PARP8: variants seen among roughly 807,000 people sequenced by gnomAD.
The protein encoded by PARP8 is protein mono-ADP-ribosyltransferase PARP8.
In PARP8, 51 loss-of-function variants were observed where a neutral mutation model predicts 124.1. The ratio of observed to expected loss-of-function variants is 0.41; its 90% CI spans 0.33 to 0.52. The LOEUF is 0.52. PARP8 is among the 20% of genes least tolerant of loss of function. PARP8 has a pLI of 0.21. For synonymous variants in PARP8, 391 were observed against 361.5 expected (o/e 1.08, Z -0.93); for missense variants, 860 against 1,018.9 (o/e 0.84, Z 2.12).
Position 50,815,538 on chromosome 5 carries a change from A to G in PARP8, c.1668+14A>G. The G allele has an allele frequency of 6.5e-7, 1 of 1,546,658 alleles. No individual in the cohort carries two copies. The highest frequency in any genetic ancestry group is 8.7e-7 in the Non-Finnish European group (1 of 1,144,984). The stretch of plus-strand genomic sequence containing the variant: ...ACTGGAGCTCAGGTAGTAACACAGG[A>G]TACTAATTATTTCTTATTTTGCTTT... On this transcript the variant is annotated intron_variant, in intron 15 of 25. Transcript: ENST00000281631.
intron 2 of PARP8, chr5:50,744,939 C>A: frequency 1.7e-6 from 1 of 575,914 alleles, no homozygotes; most frequent in Non-Finnish European, 3.1e-6. Flanking sequence ...TCTACTTAAG[C>A]TTTGTTCTTT....
intron 2 of PARP8, among the ~76,000 whole-genome samples, chr5:50,688,619 A>G (rs1217992248): frequency 6.6e-6 from 1 of 152,228 alleles, no homozygotes; most frequent in African/African-American, 2.4e-5. Context: ...CTTAAAATAT[A>G]TACTAATTTG....
chr5:50,756,993 T>G (rs1760033343), intron 3 of PARP8: 1 of 328,068 alleles, frequency 3.0e-6, no homozygotes, highest in Non-Finnish European at 6.2e-6. Flanking sequence ...TTGTTGCAGA[T>G]GGCAGGATTT....
At chr5:50,709,850 T>A (rs1198975702) in intron 2 of PARP8, among the ~76,000 whole-genome samples, 1 of 146,748 alleles carries the variant, frequency 6.8e-6, no homozygotes, top group African/African-American at 2.5e-5. Flanking sequence ...CAAGAGTGTG[T>A]GTGTGTGTGT....
intron 14 of PARP8, among the ~76,000 whole-genome samples, chr5:50,806,771 A>T (rs1743889530): frequency 6.6e-6 from 1 of 151,938 alleles, no homozygotes; most frequent in Non-Finnish European, 1.5e-5. Context: ...GGTCCCACTA[A>T]TTTTTTTCTA....
chr5:50,773,798 T>C (rs577222035), intron 7 of PARP8, among the ~76,000 whole-genome samples: 55 of 152,280 alleles, frequency 3.6e-4, no homozygotes, highest in South Asian at 8.3e-4. Context: ...AATTATCTTT[T>C]CATTTTTTGT....
chr5:50,788,648 T>A, intron 10 of PARP8, 59 bp downstream of exon 10: 1 of 1,408,190 alleles, frequency 7.1e-7, no homozygotes, highest in Non-Finnish European at 9.8e-7. Flanking sequence ...GTTCTCATTT[T>A]GTTCATTAAA....
intron 2 of PARP8, among the ~76,000 whole-genome samples, chr5:50,689,542 A>G (rs1363369341): frequency 6.6e-6 from 1 of 152,102 alleles, no homozygotes; most frequent in African/African-American, 2.4e-5. Context: ...GTCTTTTACT[A>G]CCTCAGCCCA....
At chr5:50,783,769 A>G (rs74334916) in intron 9 of PARP8, among the ~76,000 whole-genome samples, 1 of 152,164 alleles carries the variant, frequency 6.6e-6, no homozygotes, top group South Asian at 2.1e-4. Flanking sequence ...CATCATTTCA[A>G]TTGCGTGGCT....
chr5:50,666,731 C>A lies in PARP8; in HGVS notation c.-365C>A. On this transcript the variant is annotated 5_prime_UTR_variant, in exon 1 of 26. Transcript: ENST00000281631. Reference sequence around the variant, plus strand: ...GCGCCCGCCGCCCAGCCGGTGATTGCTCTCTGGCTGTCCCCGGCACCTCGG... The same window carrying A: ...GCGCCCGCCGCCCAGCCGGTGATTGATCTCTGGCTGTCCCCGGCACCTCGG... 7.2e-6 allele frequency: 3 copies of A among 419,408 alleles called. No homozygotes were observed. Among genetic ancestry groups the A allele is most frequent in the Non-Finnish European group, 1.0e-5 (3 of 292,582 alleles). The allele number at this position is 419,408 out of a possible 1,614,324, so 26.0% of individuals were successfully genotyped here.
At chr5:50,681,936 A>G (rs1440380640) in intron 2 of PARP8, among the ~76,000 whole-genome samples, 1 of 152,178 alleles carries the variant, frequency 6.6e-6, no homozygotes, top group African/African-American at 2.4e-5. Context: ...TGATGACACA[A>G]AAGACCTGAG....
chr5:50,806,815 G>T (rs1320206034), intron 14 of PARP8, among the ~76,000 whole-genome samples: 1 of 151,858 alleles, frequency 6.6e-6, no homozygotes, highest in East Asian at 1.9e-4. Flanking sequence ...AATATATTTT[G>T]CTGTAAATTC....
chr5:50,783,833 C>T (rs573433469), intron 9 of PARP8, among the ~76,000 whole-genome samples: 16 of 152,302 alleles, frequency 1.1e-4, no homozygotes, highest in African/African-American at 3.8e-4. Context: ...TTTTCCTTCT[C>T]TGTGTTGCTT....
intron 2 of PARP8, among the ~76,000 whole-genome samples, chr5:50,711,680 G>T (rs1048858179): frequency 1.3e-5 from 2 of 151,908 alleles, no homozygotes; most frequent in Non-Finnish European, 2.9e-5. Flanking sequence ...TCCTCACCCC[G>T]CCCTAAACCC....
intron 15 of PARP8, among the ~76,000 whole-genome samples, chr5:50,816,838 C>T (rs1301894770): frequency 6.6e-6 from 1 of 151,908 alleles, no homozygotes; most frequent in Non-Finnish European, 1.5e-5. Context: ...TCTTTTCCAT[C>T]CTTCTTTTTT....
chr5:50,815,137 C>T (rs1161025643), intron 14 of PARP8, among the ~76,000 whole-genome samples: 1 of 151,918 alleles, frequency 6.6e-6, no homozygotes, highest in African/African-American at 2.4e-5. Context: ...TATGAAAGCA[C>T]GAGAGATAAA....
chr5:50,773,554 A>T (rs566825766), intron 7 of PARP8, among the ~76,000 whole-genome samples: 1 of 152,144 alleles, frequency 6.6e-6, no homozygotes, highest in Non-Finnish European at 1.5e-5. Context: ...TGCTGGTCCC[A>T]TGCTGTTTTG....
intron 9 of PARP8, among the ~76,000 whole-genome samples, chr5:50,780,137 G>A (rs962728829): frequency 2.0e-5 from 3 of 152,060 alleles, no homozygotes; most frequent in Non-Finnish European, 4.4e-5. Flanking sequence ...TTTATAAATA[G>A]CTATGCACCT....
At chr5:50,737,515 GA>G (rs1303292893) in intron 2 of PARP8, among the ~76,000 whole-genome samples, 2 of 152,074 alleles carry the variant, frequency 1.3e-5, no homozygotes, top group Non-Finnish European at 2.9e-5. Context: ...ATAAAATTCA[GA>G]ATTAAATATA....
Sources: allele counts gnomAD v4.1 joint callset (sites outside exome capture counted in the v4.1 genomes callset), GRCh38; gene constraint gnomAD v4.1.1; transcripts MANE v1.5; gene names NCBI Gene and HGNC (gene_info 2026-07-23, HGNC 2026-07-21).